ASIC2: variants seen among roughly 807,000 people sequenced by gnomAD.
The protein encoded by ASIC2 is acid-sensing ion channel 2.
A neutral mutation model predicts 57.3 loss-of-function variants in ASIC2; 25 were observed. That is an observed-to-expected ratio of 0.44 (90% CI 0.32 to 0.61). ASIC2 has a LOEUF of 0.61. Ranked by LOEUF, ASIC2 falls within the 20% of genes least tolerant of loss-of-function variation. ASIC2 has a pLI of 0.06. For synonymous variants in ASIC2, 319 were observed against 307.5 expected, an observed-to-expected ratio of 1.04 and a Z score of -0.39; for missense variants, 641 against 738.1, an observed-to-expected ratio of 0.87 and a Z score of 1.52.
intron 1 of ASIC2, among the ~76,000 whole-genome samples, chr17:33,328,357 G>A (rs1907162637): frequency 6.6e-6 from 1 of 152,172 alleles, no homozygotes; most frequent in Non-Finnish European, 1.5e-5. Context: ...AGTTGGCAAA[G>A]GTAGCTGGGC....
intron 1 of ASIC2, among the ~76,000 whole-genome samples, chr17:33,219,474 T>C (rs1907616797): frequency 1.3e-5 from 2 of 152,224 alleles, no homozygotes; most frequent in South Asian, 2.1e-4. Flanking sequence ...CATTATCTCC[T>C]TGAAGCCTTC....
intron 1 of ASIC2, among the ~76,000 whole-genome samples, chr17:33,428,452 T>G (rs937250537): frequency 6.6e-6 from 1 of 152,172 alleles, no homozygotes; most frequent in Non-Finnish European, 1.5e-5. Flanking sequence ...GGGCTAAAAC[T>G]TGGTTTACGC....
intron 1 of ASIC2, among the ~76,000 whole-genome samples, chr17:34,066,088 C>T (rs1199306025): frequency 1.3e-5 from 2 of 152,088 alleles, no homozygotes; most frequent in Non-Finnish European, 2.9e-5. Flanking sequence ...GCCTGAGTCT[C>T]AGTTCACACT....
chr17:33,126,581 T>TC (rs2092323841), intron 1 of ASIC2, among the ~76,000 whole-genome samples: 1 of 151,992 alleles, frequency 6.6e-6, no homozygotes, highest in Admixed American at 6.5e-5. Flanking sequence ...GGTCAGGAGT[T>TC]CAAGACCAGC....
intron 2 of ASIC2, among the ~76,000 whole-genome samples, chr17:33,106,964 A>G (rs1473185006): frequency 6.6e-6 from 1 of 152,096 alleles, no homozygotes; most frequent in Non-Finnish European, 1.5e-5. Context: ...CTTGGGTTCC[A>G]CTCATTCCTG....
In ASIC2 at chr17:33,535,478, G is replaced by A. The variant is rs575513601; in HGVS notation, c.556-423411C>T. ...ATTTTTAGTAGAGACGGGTTTCATC[G>A]TGTTAGCCAGGATGGTCTCAATCTC... is the stretch of plus-strand genomic sequence containing the variant. On this transcript the variant is annotated intron_variant, in intron 1 of 9. Coordinates refer to the ASIC2 transcript ENST00000359872. Among the ~76,000 whole-genome samples the A allele has an allele frequency of 4.0e-4, 61 of 151,846 alleles. No individual in the cohort carries two copies. In the Middle Eastern group the frequency reaches 0.017, roughly 42 times the overall value.
intron 1 of ASIC2, among the ~76,000 whole-genome samples, chr17:33,716,627 C>T: frequency 6.6e-6 from 1 of 152,218 alleles, no homozygotes; most frequent in Non-Finnish European, 1.5e-5. Flanking sequence ...CCCATGACTG[C>T]ATCTCCTGCC....
At chr17:33,842,554 G>T (rs558271253) in intron 1 of ASIC2, among the ~76,000 whole-genome samples, 1 of 152,312 alleles carries the variant, frequency 6.6e-6, no homozygotes, top group South Asian at 2.1e-4. Context: ...CAGTGGACTG[G>T]AAGTCACAGA....
intron 1 of ASIC2, among the ~76,000 whole-genome samples, chr17:33,411,692 T>C (rs1169419414): frequency 6.6e-6 from 1 of 152,154 alleles, no homozygotes; most frequent in Non-Finnish European, 1.5e-5. Context: ...AAAAATGAAG[T>C]CTTGGCATTT....
intron 1 of ASIC2, among the ~76,000 whole-genome samples, chr17:33,527,602 CAA>C (rs1019455312): frequency 6.6e-6 from 1 of 152,144 alleles, no homozygotes; most frequent in Non-Finnish European, 1.5e-5. Flanking sequence ...CAAACTCTGA[CAA>C]AGAGGGTCAT....
At chr17:33,649,084 A>G (rs911740339) in intron 1 of ASIC2, among the ~76,000 whole-genome samples, 1 of 152,234 alleles carries the variant, frequency 6.6e-6, no homozygotes, top group African/African-American at 2.4e-5. Flanking sequence ...AAAAGAAAAT[A>G]AAAGGCATAC....
At chr17:33,186,724 G>C (rs546308042) in intron 1 of ASIC2, among the ~76,000 whole-genome samples, 7 of 152,146 alleles carry the variant, frequency 4.6e-5, no homozygotes, top group Non-Finnish European at 8.8e-5. Context: ...CATCAAAGCT[G>C]ATCCTCTTAC....
chr17:33,460,029 A>G (rs964217469), intron 1 of ASIC2, among the ~76,000 whole-genome samples: 1 of 151,778 alleles, frequency 6.6e-6, no homozygotes, highest in Non-Finnish European at 1.5e-5. Context: ...CTCTTTCAGG[A>G]TTTTACTCAG....
chr17:34,156,038 C>G lies in ASIC2; in HGVS notation c.495G>C (p.Lys165Asn), dbSNP rs768163505. The G allele has an allele frequency of 6.2e-7, 1 of 1,614,004 alleles. No homozygotes were observed. Among genetic ancestry groups the G allele is most frequent in the South Asian group, 1.1e-5 (1 of 91,062 alleles). Residue 165 changes from lysine (K) to asparagine (N), a missense_variant, in exon 1 of 10, where the codon AAG becomes AAC. Transcript: ENST00000359872. This position sits in a 1 kb window ranked among gnomAD's most constrained non-coding sequence, Gnocchi z 4.4. ...TGAACTTGCAGTAGAGCATCATATC[C>G]TTCAGGTCATGGCCCACACGGTGCA... is the stretch of plus-strand genomic sequence containing the variant.
intron 1 of ASIC2, among the ~76,000 whole-genome samples, chr17:33,807,938 T>G (rs1274246301): frequency 1.3e-5 from 2 of 152,272 alleles, no homozygotes; most frequent in Non-Finnish European, 2.9e-5. Context: ...ATAACAGTCC[T>G]TTATCAGACA....
chr17:33,935,739 A>C (rs1366775727), intron 1 of ASIC2: 1 of 152,238 alleles, frequency 6.6e-6, no homozygotes, highest in South Asian at 2.1e-4. Flanking sequence ...ATTTGAAGCC[A>C]TGTCCATCTG....
At position 33,579,286 on chromosome 17, in the gene ASIC2, C is replaced by CAAAAAAAA. The variant is rs71362894; in HGVS notation, c.556-467227_556-467220dup. On this transcript the variant is annotated intron_variant, in intron 1 of 9. Coordinates refer to the ASIC2 transcript ENST00000359872. ...GGGTAGCACGAATGAAACTGTGTCT[C>CAAAAAAAA]AAAAAAAAAAAAAAAAAATGCAGGT... Among the ~76,000 whole-genome samples the CAAAAAAAA allele has an allele frequency of 5.1e-4, 53 of 103,652 alleles. 1 individual carries two copies. The highest frequency in any genetic ancestry group is 1.9e-3 in the African/African-American group (51 of 26,520). 68.0% of individuals were successfully genotyped at this position (103,652 alleles called of 152,430 possible).
At chr17:33,148,992 A>C (rs1248833604) in intron 1 of ASIC2, among the ~76,000 whole-genome samples, 1 of 152,070 alleles carries the variant, frequency 6.6e-6, no homozygotes, top group Non-Finnish European at 1.5e-5. Context: ...TACTCAGGAG[A>C]CTGAGGCAGG....
chr17:33,732,244 C>T (rs1157569888), intron 1 of ASIC2, among the ~76,000 whole-genome samples: 1 of 152,168 alleles, frequency 6.6e-6, no homozygotes, highest in African/African-American at 2.4e-5. Flanking sequence ...CAATTAAATA[C>T]ATCGTAGCAC....
Sources: gnomAD v4.1 joint callset for allele counts (sites outside exome capture counted in the v4.1 genomes callset) on GRCh38, gnomAD v4.1.1 for gene constraint, Gnocchi (gnomAD v3.1) non-coding constraint, MANE v1.5 for transcripts, NCBI Gene and HGNC (gene_info 2026-07-23, HGNC 2026-07-21) for gene names.